THAP6: variants seen among roughly 807,000 people sequenced by gnomAD.
The protein encoded by THAP6 is THAP domain containing 6, also known as THAP domain-containing protein 6.
Under a neutral mutation model 20.0 loss-of-function variants are expected in THAP6, and 13 were observed. The observed-to-expected ratio is 0.65, with a 90% CI of 0.42 to 1.03. The LOEUF (loss-of-function observed/expected upper bound fraction) is 1.03. Ranked by LOEUF, THAP6 falls within the 50% of genes least tolerant of loss-of-function variation. The pLI, the probability that THAP6 is intolerant of heterozygous loss-of-function variation, is 0.00. For synonymous variants in THAP6, 93 were observed against 92.2 expected, an observed-to-expected ratio of 1.01 and a Z score of -0.05; for missense variants, 262 against 261.6, an observed-to-expected ratio of 1.00 and a Z score of -0.01.
At chr4:75,545,810 C>T (rs549567845) in intron 3 of THAP6, among the ~76,000 whole-genome samples, 1 of 152,204 alleles carries the variant, frequency 6.6e-6, no homozygotes, top group East Asian at 1.9e-4. Context: ...CCTTGGCTTC[C>T]TCAAGGCCCA....
rs1047429938 is a variant in THAP6, at chr4:75,517,079, C to T, written c.288+100C>T. The T allele has an allele frequency of 7.0e-5, 60 of 858,184 alleles. No individual in the cohort carries two copies. In the Middle Eastern group the frequency reaches 1.1e-3, roughly 16 times the overall value. 53.2% of individuals were successfully genotyped at this position (858,184 alleles called of 1,614,324 possible). On this transcript the variant is annotated intron_variant, in intron 3 of 4. Coordinates refer to ENST00000311638, the MANE Select transcript of THAP6 (RefSeq NM_144721.6). Reference sequence around the variant, plus strand: ...TGTCACCAAGGCTGGAGTGCAGTGGCGCGATCTCAGCTCACTGCAATCTCT... The same window carrying T: ...TGTCACCAAGGCTGGAGTGCAGTGGTGCGATCTCAGCTCACTGCAATCTCT...
At chr4:75,546,109 A>G (rs575013971) in intron 3 of THAP6, among the ~76,000 whole-genome samples, 1 of 152,320 alleles carries the variant, frequency 6.6e-6, no homozygotes, top group South Asian at 2.1e-4. Context: ...TTACTTAGCA[A>G]AAACCATTTT....
chr4:75,542,363 C>T (rs1439449746), intron 2 of THAP6: 6 of 696,104 alleles, frequency 8.6e-6, no homozygotes, highest in African/African-American at 7.0e-5. Context: ...TAGAGCTGAT[C>T]GCAATTTTCA....
At chr4:75,515,313 A>G (rs760894768) in intron 1 of THAP6, 120 bp from the exon 2 acceptor site, 8 of 851,382 alleles carry the variant, frequency 9.4e-6, no homozygotes, top group Non-Finnish European at 9.4e-6. Context: ...AGGTGTTAGA[A>G]GAAGATATTT....
Position 75,528,854 on chromosome 4 carries a change from G to A in THAP6, c.*1640G>A. The stretch of plus-strand genomic sequence containing the variant: ...ACTTGAGGTCAGGGGTTCAAAACCA[G>A]CCTGGCCAAGATGGTGAAACCCCAT... On this transcript the variant is annotated 3_prime_UTR_variant, in exon 5 of 5. Transcript: ENST00000311638. 1.2e-6 allele frequency: 1 copy of A among 820,940 alleles called. No individual in the cohort carries two copies. Among genetic ancestry groups the A allele is most frequent in the Non-Finnish European group, 1.5e-6 (1 of 680,726 alleles). The allele number at this position is 820,940 out of a possible 1,614,324, so 50.9% of individuals were successfully genotyped here.
At chr4:75,538,614 C>T (rs914765023) in intron 2 of THAP6, among the ~76,000 whole-genome samples, 1 of 152,220 alleles carries the variant, frequency 6.6e-6, no homozygotes, top group African/African-American at 2.4e-5. Context: ...GCGCCTGAGC[C>T]ATTGATGCCT....
chr4:75,525,495 G>T (rs948569827), intron 4 of THAP6, among the ~76,000 whole-genome samples: 6 of 151,926 alleles, frequency 3.9e-5, no homozygotes, highest in Admixed American at 2.0e-4. Context: ...TATATTTTAT[G>T]TACTTAACTT....
At chr4:75,542,621 G>C in intron 3 of THAP6, 1 of 575,700 alleles carries the variant, frequency 1.7e-6, no homozygotes, top group Non-Finnish European at 3.1e-6. Flanking sequence ...TAGGTAATTT[G>C]CCCAAGGTTT....
chr4:75,529,536 A>AT lies in THAP6; in HGVS notation c.*2324dup. Reference sequence around the variant, plus strand: ...AAGCAATTACTGATAGAAATGTGAGATTAAAAATAGGGTCCTCCCTGCTGC... The same window carrying AT: ...AAGCAATTACTGATAGAAATGTGAGATTTAAAAATAGGGTCCTCCCTGCTGC... On this transcript the variant is annotated 3_prime_UTR_variant, in exon 5 of 5. Transcript: ENST00000311638. 1 of 985,456 alleles carries AT rather than the reference A, an allele frequency of 1.0e-6. No individual in the cohort carries two copies. The allele number at this position is 985,456 out of a possible 1,614,324, so 61.0% of individuals were successfully genotyped here.
chr4:75,535,895 A>G (rs895072715), intron 2 of THAP6, among the ~76,000 whole-genome samples: 4 of 152,162 alleles, frequency 2.6e-5, no homozygotes, highest in African/African-American at 9.7e-5. Context: ...TACCTACATC[A>G]TAACTGACAA....
intron 2 of THAP6, among the ~76,000 whole-genome samples, chr4:75,540,215 C>A (rs543309176): frequency 6.6e-6 from 1 of 152,318 alleles, no homozygotes; most frequent in South Asian, 2.1e-4. Flanking sequence ...GCACTTGGAG[C>A]AGAATGTAGA....
chr4:75,545,791 A>G (rs564096137), intron 3 of THAP6, among the ~76,000 whole-genome samples: 1 of 152,344 alleles, frequency 6.6e-6, no homozygotes, highest in East Asian at 1.9e-4. Context: ...TGGACTTACC[A>G]GCAGCTCACC....
chr4:75,545,906 T>C (rs1727117662), intron 3 of THAP6, among the ~76,000 whole-genome samples: 1 of 152,112 alleles, frequency 6.6e-6, no homozygotes. Flanking sequence ...AGACCTCCAG[T>C]GGGCCCTTGA....
chr4:75,530,842 C>T (rs1053558740), downstream of THAP6, among the ~76,000 whole-genome samples: 1 of 152,124 alleles, frequency 6.6e-6, no homozygotes, highest in Admixed American at 6.5e-5. Context: ...GTTGAATTGT[C>T]CTTAGTCCAA....
chr4:75,529,133 T>A lies in THAP6; in HGVS notation c.*1919T>A. ...TTGAGTTCATAAATGGCCACCCTAA[T>A]GGAAAGTTTGGGTATGATCTTAGGT... On this transcript the variant is annotated 3_prime_UTR_variant, in exon 5 of 5. Transcript: ENST00000311638. The A allele has an allele frequency of 1.0e-6, 1 of 979,164 alleles. No homozygotes were observed. The highest frequency in any genetic ancestry group is 1.2e-6 in the Non-Finnish European group (1 of 824,198). 60.7% of individuals were successfully genotyped at this position (979,164 alleles called of 1,614,324 possible). A position where few individuals can be genotyped will look rare whatever the true frequency, so the allele number is the denominator to read the frequency against.
chr4:75,546,302 C>T (rs907939951), intron 3 of THAP6, among the ~76,000 whole-genome samples: 3 of 152,114 alleles, frequency 2.0e-5, no homozygotes, highest in Non-Finnish European at 2.9e-5. Context: ...CATCCTGAGA[C>T]GGAGGGATTG....
chr4:75,543,925 C>T (rs1263118738), intron 3 of THAP6, among the ~76,000 whole-genome samples: 4 of 152,140 alleles, frequency 2.6e-5, no homozygotes, highest in South Asian at 2.1e-4. Flanking sequence ...CACTATGGGT[C>T]GCCCCCAGTA....
chr4:75,532,529 C>T (rs1726712933), downstream of THAP6, among the ~76,000 whole-genome samples: 1 of 152,242 alleles, frequency 6.6e-6, no homozygotes, highest in Non-Finnish European at 1.5e-5. Context: ...CACAGCTCCA[C>T]TAGGCAGTGC....
downstream of THAP6, among the ~76,000 whole-genome samples, chr4:75,534,441 C>A (rs199668541): frequency 1.4e-3 from 209 of 152,266 alleles, no homozygotes; most frequent in East Asian, 0.015. Context: ...AAATATTAGA[C>A]CTAAAACCAT....
Sources: gnomAD v4.1 joint callset for allele counts (sites outside exome capture counted in the v4.1 genomes callset) on GRCh38, gnomAD v4.1.1 for gene constraint, MANE v1.5 for transcripts, NCBI Gene and HGNC (gene_info 2026-07-23, HGNC 2026-07-21) for gene names.